The following MICU3 variants were observed in gnomAD, a reference collection of about 807,000 sequenced individuals.
The protein encoded by MICU3 is mitochondrial calcium uptake 3.
A neutral mutation model predicts 66.5 loss-of-function variants in MICU3; 62 were observed. The ratio of observed to expected loss-of-function variants is 0.93; its 90% CI spans 0.76 to 1.15. MICU3 has a LOEUF of 1.15. Among genes scored for constraint, MICU3 ranks in the 50% most tolerant of loss-of-function variants. The pLI is 0.00. For synonymous variants in MICU3, 308 were observed against 240.7 expected (o/e 1.28, Z -2.59); for missense variants, 779 against 664.4 (o/e 1.17, Z -1.90).
rs35133600 is a variant in MICU3, at chr8:17,039,895, C to CTTTTTTTTTTTTTTT, written c.381+12250_381+12264dup. Among the ~76,000 whole-genome samples the CTTTTTTTTTTTTTTT allele has an allele frequency of 2.4e-4, 15 of 62,544 alleles. 3 individuals are homozygous for CTTTTTTTTTTTTTTT. The highest frequency in any genetic ancestry group is 3.5e-4 in the Non-Finnish European group (13 of 36,838). The allele number at this position is 62,544 out of a possible 152,430, so 41.0% of individuals were successfully genotyped here. A position where few individuals can be genotyped will look rare whatever the true frequency, so the allele number is the denominator to read the frequency against. ...ATGAAGGTATCCATCATCTTGCATT[C>CTTTTTTTTTTTTTTT]TTTTTTTTTTTTTTTTTTTTTTTTT... On this transcript the variant is annotated intron_variant, in intron 1 of 14. Transcript: ENST00000318063.
intron 1 of MICU3, among the ~76,000 whole-genome samples, chr8:17,051,784 G>T (rs1012346157): frequency 6.6e-6 from 1 of 152,082 alleles, no homozygotes; most frequent in African/African-American, 2.4e-5. Context: ...AGCCTTGCTG[G>T]AGTAAGATCA....
chr8:17,116,538 G>T lies in MICU3; in HGVS notation c.1462G>T (p.Asp488Tyr). 3 of 1,565,652 alleles carry T rather than the reference G, an allele frequency of 1.9e-6. No individual in the cohort carries two copies. In the East Asian group the frequency reaches 7.0e-5, roughly 37 times the overall value. ...VFKIFDVDKD[D>Y]QLSYKEFIGI... The stretch of plus-strand genomic sequence containing the variant: ...CAAGATTTTTGATGTTGACAAAGAT[G>T]ATCAATTAAGTTATAAAGAATTTAT... The change falls in exon 13 of 15, where the codon GAT becomes TAT. Residue 488 changes from aspartate (D) to tyrosine (Y), a missense_variant. Coordinates refer to ENST00000318063, the MANE Select transcript of MICU3 (RefSeq NM_181723.3).
intron 2 of MICU3, among the ~76,000 whole-genome samples, chr8:17,064,562 C>T (rs888099429): frequency 4.6e-5 from 7 of 152,026 alleles, no homozygotes; most frequent in Non-Finnish European, 1.0e-4. Flanking sequence ...TGAGGTTAGC[C>T]CTGGGCAAGA....
At position 17,104,777 on chromosome 8, in the gene MICU3, C is replaced by G. The variant is rs943588443; in HGVS notation, c.1085+286C>G. Among the ~76,000 whole-genome samples, 2 of 35,922 alleles carry G rather than the reference C, an allele frequency of 5.6e-5. 1 individual carries two copies. The highest frequency in any genetic ancestry group is 1.4e-3 in the African/African-American group (2 of 1,420). The allele number at this position is 35,922 out of a possible 152,430, so 23.6% of individuals were successfully genotyped here. On this transcript the variant is annotated intron_variant, in intron 10 of 14. Coordinates refer to ENST00000318063, the MANE Select transcript of MICU3 (RefSeq NM_181723.3). Reference sequence around the variant, plus strand: ...TTGGGAGGCCGAGGCGGGCGGATCACGAGGTCAGGAGATCGAGACCATCCT... The same window carrying G: ...TTGGGAGGCCGAGGCGGGCGGATCAGGAGGTCAGGAGATCGAGACCATCCT...
chr8:17,103,943 G>A (rs976618046), intron 9 of MICU3, among the ~76,000 whole-genome samples: 2 of 151,772 alleles, frequency 1.3e-5, no homozygotes, highest in South Asian at 2.1e-4. Context: ...TCTTTTGTCA[G>A]CTCCATTTAT....
At chr8:17,094,093 A>G (rs560394990) in intron 8 of MICU3, among the ~76,000 whole-genome samples, 6 of 152,078 alleles carry the variant, frequency 3.9e-5, no homozygotes, top group African/African-American at 1.4e-4. Flanking sequence ...TTTACCACCT[A>G]CTTATGCATC....
the MICU3 span, chr8:17,132,556 C>G: frequency 6.6e-6 from 1 of 152,294 alleles, no homozygotes; most frequent in South Asian, 2.1e-4. Context: ...ACCCAGTTTC[C>G]TCTTGGCAAT....
chr8:17,084,652 C>A (rs1034061502), intron 5 of MICU3, among the ~76,000 whole-genome samples: 21 of 152,184 alleles, frequency 1.4e-4, no homozygotes, highest in Admixed American at 1.4e-3. Context: ...TTATAAGGTT[C>A]ATGAAATTGA....
At chr8:17,031,928 A>G (rs1409023328) in intron 1 of MICU3, among the ~76,000 whole-genome samples, 3 of 152,080 alleles carry the variant, frequency 2.0e-5, no homozygotes, top group Middle Eastern at 3.2e-3. Context: ...TTATTTGATC[A>G]TTGTTTGTCT....
At chr8:17,087,071 G>A (rs773839721) in intron 7 of MICU3, 36 bp downstream of exon 7, 6 of 1,276,850 alleles carry the variant, frequency 4.7e-6, no homozygotes, top group Non-Finnish European at 6.8e-6. Flanking sequence ...GGTGGCTTTT[G>A]TAGGCAACAA....
intron 1 of MICU3, among the ~76,000 whole-genome samples, chr8:17,031,892 C>G (rs912329117): frequency 2.0e-5 from 3 of 152,282 alleles, no homozygotes; most frequent in Non-Finnish European, 4.4e-5. Context: ...TCTCTCTCTA[C>G]TTTCAGATAA....
Position 17,064,218 on chromosome 8 carries a change from T to G in MICU3, c.516T>G (p.Val172=). The G allele has an allele frequency of 6.2e-7, 1 of 1,612,254 alleles. No homozygotes were observed. Among genetic ancestry groups the G allele is most frequent in the Admixed American group, 1.7e-5 (1 of 59,964 alleles). Residue 172 remains valine (V), a synonymous_variant, in exon 2 of 15, where the codon GTT becomes GTG. Transcript: ENST00000318063. ...FMTPYDFILA[V]TTDEPKVAKT... is the part of the protein sequence containing the mutation. ...CTCCGTATGATTTTATTTTGGCTGT[T>G]ACAACAGATGAGCCCAAAGGTAAGT...
intron 8 of MICU3, 68 bp from the exon 9 acceptor site, chr8:17,098,387 TAAA>T: frequency 9.7e-7 from 1 of 1,030,772 alleles, no homozygotes; most frequent in Non-Finnish European, 1.5e-6. Context: ...TGGTTAGATT[TAAA>T]GTGTATAAAT....
At chr8:17,119,811 A>T (rs553386927) in intron 14 of MICU3, among the ~76,000 whole-genome samples, 3 of 152,178 alleles carry the variant, frequency 2.0e-5, no homozygotes, top group Non-Finnish European at 4.4e-5. Flanking sequence ...ATTTTGGGAA[A>T]TACTCATCTA....
At chr8:17,109,545 T>C (rs2034649972) in intron 11 of MICU3, among the ~76,000 whole-genome samples, 2 of 152,090 alleles carry the variant, frequency 1.3e-5, no homozygotes, top group Admixed American at 1.3e-4. Flanking sequence ...CTCCAAGATA[T>C]ACTAAGTGTG....
chr8:17,085,292 A>T lies in MICU3; in HGVS notation c.751A>T (p.Met251Leu). The T allele has an allele frequency of 6.2e-7, 1 of 1,610,008 alleles. No individual in the cohort carries two copies. The highest frequency in any genetic ancestry group is 8.5e-7 in the Non-Finnish European group (1 of 1,177,308). Reference protein sequence around the residue: ...FNMFDTDGNEMVDKKEFLVLQ... With the variant: ...FNMFDTDGNELVDKKEFLVLQ... Reference sequence around the variant, plus strand: ...CATGTTTGACACTGATGGCAATGAGATGGTGGATAAAAAAGAGTTTTTGGT... The same window carrying T: ...CATGTTTGACACTGATGGCAATGAGTTGGTGGATAAAAAAGAGTTTTTGGT... The change falls in exon 6 of 15, where the codon ATG (methionine) becomes TTG (leucine). Residue 251 changes from methionine to leucine, a missense_variant. Transcript: ENST00000318063.
At chr8:17,110,467 T>G (rs577023885) in intron 11 of MICU3, among the ~76,000 whole-genome samples, 1 of 152,196 alleles carries the variant, frequency 6.6e-6, no homozygotes, top group Non-Finnish European at 1.5e-5. Flanking sequence ...GCTTTCTGTC[T>G]CTGTGGATTT....
intron 14 of MICU3, among the ~76,000 whole-genome samples, chr8:17,119,638 G>A (rs2150844314): frequency 6.6e-6 from 1 of 152,166 alleles, no homozygotes; most frequent in South Asian, 2.1e-4. Context: ...AAGTTGCTTA[G>A]TCAAGTTTAA....
intron 1 of MICU3, among the ~76,000 whole-genome samples, chr8:17,056,322 A>G (rs116734319): frequency 6.6e-6 from 1 of 152,094 alleles, no homozygotes; most frequent in Non-Finnish European, 1.5e-5. Flanking sequence ...GCTGAGGTTC[A>G]TAGTCTGGGT....
Sources: gnomAD v4.1 joint callset for allele counts (sites outside exome capture counted in the v4.1 genomes callset) on GRCh38, gnomAD v4.1.1 for gene constraint, MANE v1.5 for transcripts, NCBI Gene and HGNC (gene_info 2026-07-23, HGNC 2026-07-21) for gene names.